The following SV2C variants were observed in gnomAD, a reference collection of about 807,000 sequenced individuals.
SV2C encodes the protein synaptic vesicle glycoprotein 2C, also known as solute carrier family 22 member B3.
A neutral mutation model predicts 79.7 loss-of-function variants in SV2C; 49 were observed. That is an observed-to-expected ratio of 0.61 (90% CI 0.49 to 0.78). The LOEUF (loss-of-function observed/expected upper bound fraction) is 0.78, where lower values mean the gene tolerates loss of function less well. SV2C is among the 30% of genes least tolerant of loss of function. The probability of loss-of-function intolerance (pLI) is 0.00; values close to 1 mark genes in which losing one functional copy is unlikely to be tolerated. For missense variants in SV2C, 833 were observed against 912.9 expected (o/e 0.91, Z 1.13); for synonymous variants, 334 against 333.2 (o/e 1.00, Z -0.03).
intron 4 of SV2C, among the ~76,000 whole-genome samples, chr5:76,235,519 C>G (rs1201994851): frequency 1.3e-5 from 2 of 152,012 alleles, no homozygotes; most frequent in Admixed American, 1.3e-4. Flanking sequence ...AAAATCATAT[C>G]AATGTAAACA....
At chr5:76,186,278 A>C (rs1305295133) in intron 2 of SV2C, among the ~76,000 whole-genome samples, 1 of 152,132 alleles carries the variant, frequency 6.6e-6, no homozygotes, top group Non-Finnish European at 1.5e-5. Context: ...CCCAGTTCCA[A>C]AGTCGTTTCC....
the SV2C span, among the ~76,000 whole-genome samples, chr5:75,947,049 G>A: frequency 6.6e-6 from 1 of 152,138 alleles, no homozygotes; most frequent in Non-Finnish European, 1.5e-5. Flanking sequence ...AAAGTAGGGA[G>A]AGGTGGTCTT....
chr5:76,045,456 A>C, the SV2C span, among the ~76,000 whole-genome samples: 1 of 152,186 alleles, frequency 6.6e-6, no homozygotes, highest in African/African-American at 2.4e-5. Context: ...GAAGAATGTC[A>C]ATGGTCATTT....
rs554438303 is a variant in SV2C, at chr5:76,280,690, G to A, written c.914-4472G>A. Among the ~76,000 whole-genome samples the A allele has an allele frequency of 2.2e-4, 34 of 152,318 alleles. No homozygotes were observed. In the East Asian group the frequency reaches 6.4e-3, roughly 29 times the overall value. On this transcript the variant is annotated intron_variant, in intron 4 of 12. Coordinates refer to ENST00000502798, the MANE Select transcript of SV2C (RefSeq NM_014979.4). ...CGAGGTGGCCTGGCTGCTTTCCCCGGGGGGTGCCTGGGAGGCAGGCGTCAG... is the reference window on the plus strand; with the variant it reads ...CGAGGTGGCCTGGCTGCTTTCCCCGAGGGGTGCCTGGGAGGCAGGCGTCAG...
intron 2 of SV2C, among the ~76,000 whole-genome samples, chr5:76,176,927 A>G (rs1249465547): frequency 1.3e-5 from 2 of 152,110 alleles, no homozygotes; most frequent in African/African-American, 4.8e-5. Flanking sequence ...CATCCTGGCT[A>G]ACATGATGAA....
chr5:76,035,479 C>T, the SV2C span, among the ~76,000 whole-genome samples: 1 of 152,018 alleles, frequency 6.6e-6, no homozygotes, highest in African/African-American at 2.4e-5. Context: ...CAAAGAACAT[C>T]TTTATTTCTG....
At chr5:76,312,504 C>T (rs1377306747) in intron 12 of SV2C, among the ~76,000 whole-genome samples, 1 of 152,142 alleles carries the variant, frequency 6.6e-6, no homozygotes, top group Non-Finnish European at 1.5e-5. Flanking sequence ...CTGCCTGCCT[C>T]GGCCTCCCAA....
chr5:75,855,761 A>T, the SV2C span, among the ~76,000 whole-genome samples: 1 of 152,170 alleles, frequency 6.6e-6, no homozygotes, highest in Non-Finnish European at 1.5e-5. Context: ...ATAAAATGGG[A>T]TATCCATCCT....
At chr5:76,270,959 G>A (rs927655566) in intron 4 of SV2C, among the ~76,000 whole-genome samples, 1 of 151,856 alleles carries the variant, frequency 6.6e-6, no homozygotes, top group African/African-American at 2.4e-5. Flanking sequence ...AGTAGAGACG[G>A]GGTTTCACCA....
At chr5:76,060,650 A>G in the SV2C span, among the ~76,000 whole-genome samples, 7 of 151,970 alleles carry the variant, frequency 4.6e-5, no homozygotes, top group Non-Finnish European at 8.8e-5. Flanking sequence ...TTTTTTCTCT[A>G]GACCACTGAA....
chr5:76,214,956 C>T (rs990706636), intron 4 of SV2C, among the ~76,000 whole-genome samples: 10 of 152,200 alleles, frequency 6.6e-5, no homozygotes, highest in African/African-American at 2.4e-4. Context: ...ATGTCACCTG[C>T]AGAAACATAC....
At chr5:76,299,866 T>C (rs1260380616) in intron 10 of SV2C, among the ~76,000 whole-genome samples, 2 of 152,216 alleles carry the variant, frequency 1.3e-5, no homozygotes, top group Non-Finnish European at 2.9e-5. Flanking sequence ...ACCACCACCA[T>C]CTGCAACTCT....
At chr5:76,197,419 C>T (rs1006637410) in intron 3 of SV2C, among the ~76,000 whole-genome samples, 1 of 151,980 alleles carries the variant, frequency 6.6e-6, no homozygotes, top group South Asian at 2.1e-4. Context: ...TAATCAGGGA[C>T]AAAATATTTG....
At chr5:76,277,435 A>G (rs1048072385) in intron 4 of SV2C, among the ~76,000 whole-genome samples, 1 of 152,264 alleles carries the variant, frequency 6.6e-6, no homozygotes, top group Non-Finnish European at 1.5e-5. Flanking sequence ...AACCACAGGT[A>G]TGTGCAACAG....
At chr5:75,896,383 G>C in the SV2C span, among the ~76,000 whole-genome samples, 7 of 151,676 alleles carry the variant, frequency 4.6e-5, no homozygotes, top group African/African-American at 1.7e-4. Context: ...TCCCTACAAA[G>C]GACGTGAACT....
chr5:76,345,861 C>T (rs1011455182), intron 12 of SV2C, among the ~76,000 whole-genome samples: 1 of 152,146 alleles, frequency 6.6e-6, no homozygotes, highest in Non-Finnish European at 1.5e-5. Flanking sequence ...GCTTGGCACC[C>T]AGGCAGAAGG....
At chr5:76,235,529 A>G (rs1745584122) in intron 4 of SV2C, among the ~76,000 whole-genome samples, 1 of 152,218 alleles carries the variant, frequency 6.6e-6, no homozygotes, top group South Asian at 2.1e-4. Flanking sequence ...CAATGTAAAC[A>G]TTTACATAGG....
chr5:75,995,053 G>A, the SV2C span, among the ~76,000 whole-genome samples: 4 of 148,146 alleles, frequency 2.7e-5, no homozygotes, highest in East Asian at 4.0e-4. Context: ...CCCATTCAAC[G>A]AAAGAGAGCA....
chr5:76,003,381 G>C, the SV2C span, among the ~76,000 whole-genome samples: 1 of 152,180 alleles, frequency 6.6e-6, no homozygotes, highest in East Asian at 1.9e-4. Context: ...AGCAGACACT[G>C]AGATGATATG....
Sources: gnomAD v4.1 joint callset for allele counts (sites outside exome capture counted in the v4.1 genomes callset) on GRCh38, gnomAD v4.1.1 for gene constraint, MANE v1.5 for transcripts, NCBI Gene and HGNC (gene_info 2026-07-23, HGNC 2026-07-21) for gene names.